Variants in HIPK3 observed in about 807,000 individuals in gnomAD.
HIPK3 encodes homeodomain-interacting protein kinase 3.
HIPK3 carries 47 observed loss-of-function variants against 124.2 expected under a neutral mutation model. The ratio of observed to expected loss-of-function variants is 0.38; its 90% confidence interval spans 0.30 to 0.48. HIPK3 has a LOEUF of 0.48. Among genes scored for constraint, HIPK3 ranks in the 20% least tolerant of loss-of-function variants. HIPK3 has a pLI of 0.98. For missense variants in HIPK3, 1,286 were observed against 1,454.3 expected (o/e 0.88, Z 1.88); for synonymous variants, 482 against 515.2 (o/e 0.94, Z 0.87).
In HIPK3 at chr11:33,354,154, A is replaced by G. The variant is rs1853752891; in HGVS notation, c.*586A>G. ...TTTGAGGTTGTTAATGTTATTACCTATATATAAATGTTGAGGACTGCAGCA... is the reference window on the plus strand; with the variant it reads ...TTTGAGGTTGTTAATGTTATTACCTGTATATAAATGTTGAGGACTGCAGCA... On this transcript the variant is annotated 3_prime_UTR_variant, in exon 17 of 17. Coordinates refer to ENST00000303296, the MANE Select transcript of HIPK3 (RefSeq NM_005734.5). 1.3e-5 allele frequency: 2 copies of G among 153,170 alleles called. No individual in the cohort carries two copies. The highest frequency in any genetic ancestry group is 4.8e-5 in the African/African-American group (2 of 41,458). The allele number at this position is 153,170 out of a possible 1,614,324, so 9.5% of individuals were successfully genotyped here.
At chr11:33,318,594 T>C (rs1852573955) in intron 2 of HIPK3, among the ~76,000 whole-genome samples, 1 of 152,230 alleles carries the variant, frequency 6.6e-6, no homozygotes, top group Admixed American at 6.5e-5. Context: ...ATTATGTTGG[T>C]ACTTTATTAC....
At chr11:33,299,426 C>T (rs966256549) in intron 2 of HIPK3, among the ~76,000 whole-genome samples, 7 of 151,452 alleles carry the variant, frequency 4.6e-5, no homozygotes, top group Non-Finnish European at 1.0e-4. Flanking sequence ...GAGCCGAGAT[C>T]ATGCCACTGC....
intron 2 of HIPK3, among the ~76,000 whole-genome samples, chr11:33,297,116 G>T (rs926298251): frequency 1.4e-5 from 2 of 146,738 alleles, no homozygotes; most frequent in Non-Finnish European, 3.0e-5. Context: ...TTTTGAGATG[G>T]AGTCTCTCAC....
chr11:33,313,960 G>A (rs1852421662), intron 2 of HIPK3, among the ~76,000 whole-genome samples: 1 of 151,690 alleles, frequency 6.6e-6, no homozygotes. Flanking sequence ...CTCCTGCCTC[G>A]GCTTCCCAAG....
chr11:33,337,654 C>T (rs1156502372), intron 4 of HIPK3, among the ~76,000 whole-genome samples: 1 of 150,644 alleles, frequency 6.6e-6, no homozygotes. Flanking sequence ...CCATGCCTGG[C>T]CCCGTCCTTC....
intron 1 of HIPK3, chr11:33,258,812 T>G (rs1227839221): frequency 1.2e-6 from 1 of 805,004 alleles, no homozygotes; most frequent in Admixed American, 6.2e-5. Context: ...CGTTCAGGCC[T>G]TGAACCGTGT....
chr11:33,274,660 A>C (rs1056258806), intron 1 of HIPK3, among the ~76,000 whole-genome samples: 1 of 152,144 alleles, frequency 6.6e-6, no homozygotes, highest in Non-Finnish European at 1.5e-5. Flanking sequence ...TTTTTATTTT[A>C]TATAGCTTTT....
intron 2 of HIPK3, among the ~76,000 whole-genome samples, chr11:33,300,978 C>T (rs1245766939): frequency 6.6e-6 from 1 of 152,142 alleles, no homozygotes; most frequent in East Asian, 1.9e-4. Context: ...CAGTGTTGGT[C>T]TCCCAAAGTG....
upstream of HIPK3, chr11:33,257,267 G>A (rs890627969): frequency 3.1e-6 from 3 of 983,114 alleles, no homozygotes; most frequent in African/African-American, 5.3e-5. Context: ...CGCGGCCGGA[G>A]CGGAGCGGAG....
In HIPK3 at chr11:33,347,395, G is replaced by C; in HGVS notation, c.2000G>C (p.Arg667Pro). 6.2e-7 allele frequency: 1 copy of C among 1,613,852 alleles called. No homozygotes were observed. The highest frequency in any genetic ancestry group is 8.5e-7 in the Non-Finnish European group (1 of 1,179,956). ...QAPAVQPLQI[R>P]PGVLSQTWSG... ...CCAGCTGTGCAGCCACTACAGATCC[G>C]ACCAGGAGTTCTTTCTCAGGTTGGT... The change falls in exon 9 of 17, where the codon CGA becomes CCA. Residue 667 changes from arginine (R) to proline (P), a missense_variant. Physicochemically the swap from Arg to Pro is moderately radical, Grantham distance 103. This residue lies in a region of HIPK3 where 810 missense variants were observed against 864.9 expected (regional missense o/e 0.94). Transcript: ENST00000303296.
rs1423962295 is a variant in HIPK3, at chr11:33,257,754, G to A, written c.-138G>A. 1 of 988,502 alleles carries A rather than the reference G, an allele frequency of 1.0e-6. No individual in the cohort carries two copies. The highest frequency in any genetic ancestry group is 1.2e-6 in the Non-Finnish European group (1 of 832,158). The allele number at this position is 988,502 out of a possible 1,614,324, so 61.2% of individuals were successfully genotyped here. On this transcript the variant is annotated 5_prime_UTR_variant, in exon 1 of 17. Coordinates refer to ENST00000303296, the MANE Select transcript of HIPK3 (RefSeq NM_005734.5). ...GACAAGATGGCAGCGGCCGCGGAGA[G>A]GGGCTGAGCCCGGGCTGGGTGGTGC...
chr11:33,314,166 A>G (rs1045270138), intron 2 of HIPK3, among the ~76,000 whole-genome samples: 1 of 152,216 alleles, frequency 6.6e-6, no homozygotes, highest in Non-Finnish European at 1.5e-5. Context: ...TGATTTATCT[A>G]CATGGTGGTG....
chr11:33,318,180 T>G (rs1852560654), intron 2 of HIPK3, among the ~76,000 whole-genome samples: 1 of 152,188 alleles, frequency 6.6e-6, no homozygotes, highest in South Asian at 2.1e-4. Context: ...CATCTAAGTC[T>G]GAGCACTTCC....
intron 2 of HIPK3, among the ~76,000 whole-genome samples, chr11:33,310,843 A>AG (rs892048338): frequency 3.0e-4 from 46 of 152,322 alleles, no homozygotes; most frequent in African/African-American, 1.1e-3. Flanking sequence ...CAGATCAAGT[A>AG]GGTAGATCAT....
chr11:33,344,400 A>G (rs1364460933), intron 8 of HIPK3, among the ~76,000 whole-genome samples: 1 of 152,226 alleles, frequency 6.6e-6, no homozygotes, highest in African/African-American at 2.4e-5. Flanking sequence ...GAAGATTTAG[A>G]ATAGCAGGTT....
In HIPK3 at chr11:33,345,635, G is replaced by A. The variant is rs532985016; in HGVS notation, c.1898-1658G>A. Among the ~76,000 whole-genome samples, 26 of 150,886 alleles carry A rather than the reference G, an allele frequency of 1.7e-4. No individual in the cohort carries two copies. The South Asian group carries it at 5.4e-3, about 32-fold the overall frequency. On this transcript the variant is annotated intron_variant, in intron 8 of 16. Transcript: ENST00000303296. The stretch of plus-strand genomic sequence containing the variant: ...GTGAAGAGATTTTTTTTTTCTTGAA[G>A]AGATTGTCTATATATTGCAATATAT...
At chr11:33,262,698 A>G (rs1850855896) in intron 1 of HIPK3, among the ~76,000 whole-genome samples, 1 of 152,264 alleles carries the variant, frequency 6.6e-6, no homozygotes, top group Non-Finnish European at 1.5e-5. Context: ...AAAGTCCTTG[A>G]AATGGAGCAA....
intron 7 of HIPK3, 119 bp downstream of exon 7, chr11:33,341,246 C>G (rs1324969318): frequency 9.2e-6 from 6 of 649,220 alleles, no homozygotes; most frequent in Non-Finnish European, 1.5e-5. Flanking sequence ...TGAGGTCTTA[C>G]TATACCTGTT....
intron 2 of HIPK3, among the ~76,000 whole-genome samples, chr11:33,321,560 A>G (rs558413543): frequency 6.6e-6 from 1 of 152,326 alleles, no homozygotes; most frequent in Non-Finnish European, 1.5e-5. Context: ...GACAGCTGCA[A>G]GTGGTCTAGT....
Sources: gnomAD v4.1 joint callset for allele counts (sites outside exome capture counted in the v4.1 genomes callset) on GRCh38, gnomAD v4.1.1 for gene constraint, gnomAD v4.1.1 regional missense constraint, MANE v1.5 for transcripts, NCBI Gene and HGNC (gene_info 2026-07-23, HGNC 2026-07-21) for gene names.